The following CNTNAP2 variants were observed in gnomAD, a reference collection of about 807,000 sequenced individuals.
The protein encoded by CNTNAP2 is contactin associated protein 2, also known as contactin-associated protein-like 2.
A neutral mutation model predicts 155.2 loss-of-function variants in CNTNAP2; 98 were observed. That is an observed-to-expected ratio of 0.63 (90% CI 0.54 to 0.75). The LOEUF (loss-of-function observed/expected upper bound fraction) is 0.75. CNTNAP2 is among the 30% of genes least tolerant of loss of function. The pLI is 0.00. For missense variants in CNTNAP2, 1,727 were observed against 1,688.1 expected, an observed-to-expected ratio of 1.02 and a Z score of -0.40; for synonymous variants, 651 against 631.2, an observed-to-expected ratio of 1.03 and a Z score of -0.47.
intron 3 of CNTNAP2, among the ~76,000 whole-genome samples, chr7:146,922,208 G>T (rs574337766): frequency 5.3e-5 from 8 of 150,478 alleles, no homozygotes; most frequent in Non-Finnish European, 8.9e-5. Flanking sequence ...GTACATTTCT[G>T]CCCTGTAATT....
intron 1 of CNTNAP2, among the ~76,000 whole-genome samples, chr7:146,327,098 A>C (rs146182590): frequency 2.0e-4 from 31 of 152,260 alleles, no homozygotes; most frequent in African/African-American, 7.2e-4. Flanking sequence ...TCTCACTGGG[A>C]TGGAGGGATC....
chr7:146,654,208 G>T (rs1466249227), intron 1 of CNTNAP2, among the ~76,000 whole-genome samples: 2 of 151,980 alleles, frequency 1.3e-5, no homozygotes, highest in Admixed American at 1.3e-4. Flanking sequence ...AGCATGAGAT[G>T]TCTGGTCAGC....
intron 8 of CNTNAP2, among the ~76,000 whole-genome samples, chr7:147,280,008 A>G (rs553707443): frequency 1.3e-5 from 2 of 152,020 alleles, no homozygotes; most frequent in East Asian, 3.9e-4. Context: ...ATGTAAAGTG[A>G]TCTTACAGTG....
At chr7:146,849,549 A>G (rs879648070) in intron 3 of CNTNAP2, among the ~76,000 whole-genome samples, 1 of 152,188 alleles carries the variant, frequency 6.6e-6, no homozygotes, top group Admixed American at 6.5e-5. Context: ...CTCTGCTCCA[A>G]CACTTTCTCG....
intron 12 of CNTNAP2, among the ~76,000 whole-genome samples, chr7:147,635,366 C>T (rs1028656258): frequency 4.6e-5 from 7 of 151,668 alleles, no homozygotes; most frequent in African/African-American, 1.7e-4. Context: ...TCAAGTGATC[C>T]TCCTATCTCG....
chr7:146,503,431 A>G (rs1797336270), intron 1 of CNTNAP2, among the ~76,000 whole-genome samples: 1 of 152,192 alleles, frequency 6.6e-6, no homozygotes, highest in Non-Finnish European at 1.5e-5. Context: ...GTGTTAGTGT[A>G]TTCAATGTGT....
chr7:147,504,660 T>A (rs1798875718), intron 11 of CNTNAP2, among the ~76,000 whole-genome samples: 1 of 144,910 alleles, frequency 6.9e-6, no homozygotes, highest in East Asian at 2.0e-4. Flanking sequence ...CGGCTTGGGG[T>A]CCTGGGCGAC....
At chr7:147,260,496 A>G (rs922727806) in intron 8 of CNTNAP2, among the ~76,000 whole-genome samples, 6 of 152,194 alleles carry the variant, frequency 3.9e-5, no homozygotes, top group Non-Finnish European at 7.4e-5. Flanking sequence ...TCATTAGAGG[A>G]CAGGAAAAGT....
rs189672733 is a variant in CNTNAP2 at position 147,004,654 on chromosome 7, T to A, written c.403-39253T>A. Among the ~76,000 whole-genome samples the A allele has an allele frequency of 5.3e-4, 80 of 152,132 alleles. 1 individual carries two copies. The highest frequency in any genetic ancestry group is 3.2e-3 in the Admixed American group (48 of 15,230). ...GTATGGCGGAGTTGAAAGTTAATAT[T>A]CCTGATAAGATAAATGTTCCTGATA... On this transcript the variant is annotated intron_variant, in intron 3 of 23. Coordinates refer to ENST00000361727, the MANE Select transcript of CNTNAP2 (RefSeq NM_014141.6).
At chr7:146,478,501 G>C (rs936954797) in intron 1 of CNTNAP2, among the ~76,000 whole-genome samples, 1 of 151,738 alleles carries the variant, frequency 6.6e-6, no homozygotes, top group Non-Finnish European at 1.5e-5. Flanking sequence ...ATGAGATCTA[G>C]GTATTAACCC....
At chr7:147,945,825 A>G (rs1421840160) in intron 14 of CNTNAP2, among the ~76,000 whole-genome samples, 1 of 147,944 alleles carries the variant, frequency 6.8e-6, no homozygotes, top group South Asian at 2.2e-4. Context: ...CATTCTTCGC[A>G]TTCCCCACTT....
chr7:148,195,321 TC>T (rs1795259263), intron 18 of CNTNAP2, among the ~76,000 whole-genome samples: 1 of 152,222 alleles, frequency 6.6e-6, no homozygotes. Flanking sequence ...AAATTGAATT[TC>T]TTGGTCCTGG....
At chr7:146,603,183 C>T (rs1427130510) in intron 1 of CNTNAP2, among the ~76,000 whole-genome samples, 2 of 151,240 alleles carry the variant, frequency 1.3e-5, no homozygotes, top group Admixed American at 6.6e-5. Context: ...GAGACCAAGG[C>T]GGGCGGATCA....
chr7:146,222,683 G>A (rs1436337209), intron 1 of CNTNAP2, among the ~76,000 whole-genome samples: 1 of 147,732 alleles, frequency 6.8e-6, no homozygotes, highest in Admixed American at 6.8e-5. Flanking sequence ...TTGAGACGGA[G>A]TCTCGCTTGT....
intron 13 of CNTNAP2, among the ~76,000 whole-genome samples, chr7:147,653,838 T>C (rs1483873919): frequency 1.3e-5 from 2 of 152,230 alleles, no homozygotes; most frequent in Admixed American, 1.3e-4. Context: ...TTAATCTTTC[T>C]CTTTAGAAGG....
At chr7:146,828,668 G>A (rs1244069405) in intron 2 of CNTNAP2, among the ~76,000 whole-genome samples, 1 of 151,750 alleles carries the variant, frequency 6.6e-6, no homozygotes, top group Non-Finnish European at 1.5e-5. Flanking sequence ...ATTTTCTCTT[G>A]GCCACAGTAT....
chr7:148,090,178 C>G (rs916528801), intron 15 of CNTNAP2, among the ~76,000 whole-genome samples: 3 of 151,962 alleles, frequency 2.0e-5, no homozygotes, highest in African/African-American at 7.2e-5. Flanking sequence ...GGAAAATGCT[C>G]TATGATACTG....
rs1207922021 is a variant in CNTNAP2, at chr7:146,125,583, A to G, written c.97+8610A>G. Among the ~76,000 whole-genome samples the G allele has an allele frequency of 2.4e-4, 18 of 74,280 alleles. No individual in the cohort carries two copies. The East Asian group carries it at 3.4e-3, about 14-fold the overall frequency. The allele number at this position is 74,280 out of a possible 152,430, so 48.7% of individuals were successfully genotyped here. ...AGAGCAGAGCGAGACTCCGTCTCCA[A>G]AAAAAAAAAAAAAAAAAAAAAAAGA... On this transcript the variant is annotated intron_variant, in intron 1 of 23. Transcript: ENST00000361727.
At position 147,934,708 on chromosome 7, in the gene CNTNAP2, C is replaced by T. The variant is rs763128281; in HGVS notation, c.2255+30987C>T. Among the ~76,000 whole-genome samples, 47 of 152,124 alleles carry T rather than the reference C, an allele frequency of 3.1e-4. 2 individuals are homozygous for T. Among genetic ancestry groups the T allele is most frequent in the Admixed American group, 3.3e-4 (5 of 15,278 alleles). On this transcript the variant is annotated intron_variant, in intron 14 of 23. Coordinates refer to ENST00000361727, the MANE Select transcript of CNTNAP2 (RefSeq NM_014141.6). Reference sequence around the variant, plus strand: ...ATCTTGAACTTGGATCAAAGTAACCCTACATAACCACAAAATGACAGGGAT... The same window carrying T: ...ATCTTGAACTTGGATCAAAGTAACCTTACATAACCACAAAATGACAGGGAT...
Sources: allele counts gnomAD v4.1 joint callset (sites outside exome capture counted in the v4.1 genomes callset), GRCh38; gene constraint gnomAD v4.1.1; transcripts MANE v1.5; gene names NCBI Gene and HGNC (gene_info 2026-07-23, HGNC 2026-07-21).